TMEM163: variants seen among roughly 807,000 people sequenced by gnomAD.
TMEM163 encodes transmembrane protein 163.
TMEM163 carries 17 observed loss-of-function variants against 29.3 expected under a neutral mutation model. That is an observed-to-expected ratio of 0.58 (90% CI 0.40 to 0.87). The LOEUF is 0.87. Ranked by LOEUF, TMEM163 falls within the 40% of genes least tolerant of loss-of-function variation. The pLI, the probability that TMEM163 is intolerant of heterozygous loss-of-function variation, is 0.00. For missense variants in TMEM163, 303 were observed against 381.5 expected, an observed-to-expected ratio of 0.79 and a Z score of 1.71; for synonymous variants, 157 against 160.6, an observed-to-expected ratio of 0.98 and a Z score of 0.17.
chr2:134,567,600 A>T (rs1454582717), intron 2 of TMEM163, among the ~76,000 whole-genome samples: 1 of 152,188 alleles, frequency 6.6e-6, no homozygotes, highest in African/African-American at 2.4e-5. Context: ...CTGAGGCAGG[A>T]GAATTGCTTG....
At chr2:134,667,382 GA>G (rs1683892415) in intron 2 of TMEM163, among the ~76,000 whole-genome samples, 1 of 152,344 alleles carries the variant, frequency 6.6e-6, no homozygotes, top group African/African-American at 2.4e-5. Flanking sequence ...CTTACAGAGA[GA>G]GGCCAAGCTT....
Position 134,456,461 on chromosome 2 carries a change from A to T in TMEM163, c.*255T>A. ...CCATGAGAACCATCATACTCCAGAGACTAAAAAACGCCAGTCCCAGCTGGA... is the reference window on the plus strand; with the variant it reads ...CCATGAGAACCATCATACTCCAGAGTCTAAAAAACGCCAGTCCCAGCTGGA... On this transcript the variant is annotated 3_prime_UTR_variant, in exon 8 of 8. Coordinates refer to ENST00000281924, the MANE Select transcript of TMEM163 (RefSeq NM_030923.5). 1 of 500,412 alleles carries T rather than the reference A, an allele frequency of 2.0e-6. No individual in the cohort carries two copies. The highest frequency in any genetic ancestry group is 3.5e-6 in the Non-Finnish European group (1 of 283,722). The allele number at this position is 500,412 out of a possible 1,614,324, so 31.0% of individuals were successfully genotyped here.
At chr2:134,556,317 A>C (rs2104774086) in intron 2 of TMEM163, among the ~76,000 whole-genome samples, 1 of 152,334 alleles carries the variant, frequency 6.6e-6, no homozygotes, top group Non-Finnish European at 1.5e-5. Flanking sequence ...TCTTAATACA[A>C]GGTATGTTGA....
At chr2:134,604,952 G>A (rs571565248) in intron 2 of TMEM163, among the ~76,000 whole-genome samples, 40 of 152,214 alleles carry the variant, frequency 2.6e-4, no homozygotes, top group African/African-American at 9.6e-4. Flanking sequence ...GGCTGAGGCA[G>A]GCAGATCACC....
intron 4 of TMEM163, among the ~76,000 whole-genome samples, chr2:134,526,503 T>A (rs1680303419): frequency 6.6e-6 from 1 of 152,126 alleles, no homozygotes; most frequent in African/African-American, 2.4e-5. Flanking sequence ...AAAAGAACAC[T>A]TAACAATAAA....
chr2:134,550,179 T>A (rs1680880312), intron 4 of TMEM163, among the ~76,000 whole-genome samples: 1 of 152,132 alleles, frequency 6.6e-6, no homozygotes. Context: ...GCAAATAGAA[T>A]AATTTAGAAT....
chr2:134,666,648 A>G lies in TMEM163; in HGVS notation c.322+46552T>C, dbSNP rs566808040. Among the ~76,000 whole-genome samples the G allele has an allele frequency of 6.6e-5, 10 of 152,268 alleles. No individual in the cohort carries two copies. In the South Asian group the frequency reaches 2.1e-3, roughly 32 times the overall value. On this transcript the variant is annotated intron_variant, in intron 2 of 7. Coordinates refer to ENST00000281924, the MANE Select transcript of TMEM163 (RefSeq NM_030923.5). ...TGAGGCTGCACCATCCAGAGTGTAG[A>G]CTTTCACTTAAGACTAAGAGCAGGG... is the stretch of plus-strand genomic sequence containing the variant.
At chr2:134,496,277 G>C (rs906642115) in intron 5 of TMEM163, among the ~76,000 whole-genome samples, 1 of 152,086 alleles carries the variant, frequency 6.6e-6, no homozygotes, top group African/African-American at 2.4e-5. Flanking sequence ...GGCCAGGCTG[G>C]TCTCAAACCC....
chr2:134,600,728 T>C (rs16830847), intron 2 of TMEM163, among the ~76,000 whole-genome samples: 13,057 of 152,184 alleles, frequency 0.086, 631 homozygotes, highest in South Asian at 0.17. Context: ...TTGCTCCTTC[T>C]TCAGGTTTCT....
At chr2:134,499,741 G>C (rs909487382) in intron 5 of TMEM163, among the ~76,000 whole-genome samples, 1 of 152,312 alleles carries the variant, frequency 6.6e-6, no homozygotes, top group African/African-American at 2.4e-5. Flanking sequence ...AGAACCTACA[G>C]TCACAGCTGG....
intron 2 of TMEM163, among the ~76,000 whole-genome samples, chr2:134,623,166 GGT>G (rs1294484490): frequency 1.3e-5 from 2 of 152,040 alleles, no homozygotes; most frequent in African/African-American, 4.8e-5. Flanking sequence ...GGTTTCTGAT[GGT>G]GGTGAAAATA....
chr2:134,576,284 G>T (rs557269951), intron 2 of TMEM163, among the ~76,000 whole-genome samples: 3 of 152,224 alleles, frequency 2.0e-5, no homozygotes, highest in Non-Finnish European at 2.9e-5. Context: ...CTACGAAGTG[G>T]TTTTAGTCGT....
chr2:134,624,035 T>C (rs1355684590), intron 2 of TMEM163, among the ~76,000 whole-genome samples: 1 of 152,150 alleles, frequency 6.6e-6, no homozygotes, highest in African/African-American at 2.4e-5. Flanking sequence ...TTAATCACTA[T>C]CCAGACGTTA....
In TMEM163 at chr2:134,473,207, G is replaced by A. The variant is rs180907406; in HGVS notation, c.556-6982C>T. ...GAAAATCAAATTAATCCCAAAGTAA[G>A]GAGAAGGAAAGAAATAATAAACTTA... On this transcript the variant is annotated intron_variant, in intron 5 of 7. Transcript: ENST00000281924. 2.6e-5 allele frequency among the ~76,000 whole-genome samples: 4 copies of A among 152,198 alleles called. No homozygotes were observed. The East Asian group carries it at 7.7e-4, about 29-fold the overall frequency.
At position 134,460,417 on chromosome 2, in the gene TMEM163, C is replaced by T. The variant is rs1558909710; in HGVS notation, c.668-2244G>A. On this transcript the variant is annotated intron_variant, in intron 6 of 7. Transcript: ENST00000281924. This position sits in a 1 kb window ranked among gnomAD's most constrained non-coding sequence, Gnocchi z 4.3. ...GCCTCCAGCTAACAGGCGAGCTTTG[C>T]CATTTTAACCGCCCCCCTCCTCTCA... Among the ~76,000 whole-genome samples, 1 of 152,114 alleles carries T rather than the reference C, an allele frequency of 6.6e-6. No homozygotes were observed.
intron 7 of TMEM163, 25 bp downstream of exon 7, chr2:134,458,007 C>T (rs781639723): frequency 6.2e-6 from 10 of 1,613,580 alleles, no homozygotes; most frequent in Non-Finnish European, 7.6e-6. Flanking sequence ...GCCAGGAAAG[C>T]AAACAGGAAA....
intron 5 of TMEM163, among the ~76,000 whole-genome samples, chr2:134,486,411 G>A (rs1453179277): frequency 1.3e-5 from 2 of 152,068 alleles, no homozygotes; most frequent in African/African-American, 4.8e-5. Context: ...GAAAAGACGA[G>A]GACATACAAA....
At chr2:134,548,679 A>AT (rs71955562) in intron 4 of TMEM163, among the ~76,000 whole-genome samples, 31 of 152,044 alleles carry the variant, frequency 2.0e-4, no homozygotes, top group Non-Finnish European at 3.7e-4. Flanking sequence ...CAGGTTTCAG[A>AT]TTTTTTTTGG....
chr2:134,670,921 T>G (rs1371166416), intron 2 of TMEM163, among the ~76,000 whole-genome samples: 1 of 152,230 alleles, frequency 6.6e-6, no homozygotes, highest in African/African-American at 2.4e-5. Context: ...GGCTCATGTC[T>G]TTTCTTTCAA....
Sources: allele counts gnomAD v4.1 joint callset (sites outside exome capture counted in the v4.1 genomes callset), GRCh38; gene constraint gnomAD v4.1.1; non-coding constraint Gnocchi (gnomAD v3.1); transcripts MANE v1.5; gene names NCBI Gene and HGNC (gene_info 2026-07-23, HGNC 2026-07-21).